The following ZNF583 variants were observed in gnomAD, a reference collection of about 807,000 sequenced individuals.
The protein encoded by ZNF583 is zinc finger protein 583, also known as zinc finger protein L3-5.
A neutral mutation model predicts 55.3 loss-of-function variants in ZNF583; 30 were observed. That is an observed-to-expected ratio of 0.54 (90% CI 0.41 to 0.74). The LOEUF is 0.74. Ranked by LOEUF, ZNF583 falls within the 30% of genes least tolerant of loss-of-function variation. The pLI is 0.00. For synonymous variants in ZNF583, 208 were observed against 220.0 expected, an observed-to-expected ratio of 0.95 and a Z score of 0.48; for missense variants, 504 against 664.7, an observed-to-expected ratio of 0.76 and a Z score of 2.66.
At chr19:56,415,913 C>T (rs1314451576) in intron 4 of ZNF583, among the ~76,000 whole-genome samples, 1 of 152,098 alleles carries the variant, frequency 6.6e-6, no homozygotes, top group Non-Finnish European at 1.5e-5. Context: ...GATAATTGTC[C>T]TTTTCATTTA....
At chr19:56,416,985 T>C (rs2042336273) in intron 4 of ZNF583, among the ~76,000 whole-genome samples, 1 of 152,192 alleles carries the variant, frequency 6.6e-6, no homozygotes, top group Non-Finnish European at 1.5e-5. Flanking sequence ...AATGGAATCA[T>C]TCAGTATGTA....
rs2042489636 is a variant in ZNF583 at position 56,425,953 on chromosome 19, A to C, written c.*1585A>C. On this transcript the variant is annotated 3_prime_UTR_variant, in exon 5 of 5. Coordinates refer to ENST00000333201, the MANE Select transcript of ZNF583 (RefSeq NM_152478.3). ...CCCAGAATTCTTTTGGCATATAATC[A>C]ATGCAGTGATCAATTCACATGTGAC... The C allele has an allele frequency of 6.6e-6, 1 of 152,190 alleles. No homozygotes were observed. Among genetic ancestry groups the C allele is most frequent in the Non-Finnish European group, 1.5e-5 (1 of 68,020 alleles). The allele number at this position is 152,190 out of a possible 1,614,324, so 9.4% of individuals were successfully genotyped here. A position where few individuals can be genotyped will look rare whatever the true frequency, so the allele number is the denominator to read the frequency against.
chr19:56,426,908 T>A lies in ZNF583; in HGVS notation c.*2540T>A, dbSNP rs560918685. The stretch of plus-strand genomic sequence containing the variant: ...ACAATGTCTTTCCCTCCAGATTCTA[T>A]TATACACATAGAACAATGTAAATGA... On this transcript the variant is annotated 3_prime_UTR_variant, in exon 5 of 5. Coordinates refer to ENST00000333201, the MANE Select transcript of ZNF583 (RefSeq NM_152478.3). 4.7e-5 allele frequency: 7 copies of A among 149,140 alleles called. No individual in the cohort carries two copies. The highest frequency in any genetic ancestry group is 7.4e-5 in the Non-Finnish European group (5 of 67,642). 9.2% of individuals were successfully genotyped at this position (149,140 alleles called of 1,614,324 possible).
At chr19:56,405,731 T>G (rs2042136926) in intron 1 of ZNF583, among the ~76,000 whole-genome samples, 1 of 152,158 alleles carries the variant, frequency 6.6e-6, no homozygotes, top group Admixed American at 6.5e-5. Context: ...ATGTGCTGGT[T>G]ATGAAAATAA....
rs149718971 is a variant in ZNF583, at chr19:56,406,824, G to A, written c.-89-202G>A. On this transcript the variant is annotated intron_variant, in intron 1 of 4. Transcript: ENST00000333201. ...TTACAGGCGTGAGCCACCGCGCCTG[G>A]CCCGTATGTTGTATTCTTAAGATCC... 2.0e-3 allele frequency among the ~76,000 whole-genome samples: 301 copies of A among 152,300 alleles called. 1 individual carries two copies. Among genetic ancestry groups the A allele is most frequent in the Middle Eastern group, 0.014 (4 of 294 alleles).
At position 56,423,464 on chromosome 19, in the gene ZNF583, A is replaced by C; in HGVS notation, c.806A>C (p.Glu269Ala). Residue 269 changes from glutamate to alanine, a missense_variant, in exon 5 of 5, where the codon GAA becomes GCA. This residue lies in a region of ZNF583 where 237 missense variants were observed against 373.0 expected (regional missense o/e 0.64). Coordinates refer to ENST00000333201, the MANE Select transcript of ZNF583 (RefSeq NM_152478.3). ...KRIHTGEKPY[E>A]CKECRKAFSQ... The stretch of plus-strand genomic sequence containing the variant: ...ATACATACTGGAGAGAAACCCTATG[A>C]ATGTAAAGAATGTAGGAAAGCCTTC... 1 of 1,613,994 alleles carries C rather than the reference A, an allele frequency of 6.2e-7. No homozygotes were observed. Among genetic ancestry groups the C allele is most frequent in the Non-Finnish European group, 8.5e-7 (1 of 1,179,944 alleles).
At chr19:56,411,531 AAAGCTGCTTCGCT>A (rs2042239192) in intron 2 of ZNF583, among the ~76,000 whole-genome samples, 1 of 152,234 alleles carries the variant, frequency 6.6e-6, no homozygotes, top group East Asian at 1.9e-4. Context: ...TCATGTAGCA[AAAGCTGCTTCGCT>A]AATGTCTACA....
At chr19:56,420,390 A>G (rs191176369) in intron 4 of ZNF583, among the ~76,000 whole-genome samples, 2 of 152,290 alleles carry the variant, frequency 1.3e-5, no homozygotes, top group Non-Finnish European at 2.9e-5. Context: ...ACTCGAATAC[A>G]TGTTGTACAA....
intron 2 of ZNF583, among the ~76,000 whole-genome samples, chr19:56,407,416 T>C (rs191988329): frequency 2.7e-4 from 41 of 152,326 alleles, no homozygotes; most frequent in African/African-American, 7.0e-4. Context: ...TAAACCTTCA[T>C]TGTAGTAAGT....
Position 56,423,170 on chromosome 19 carries a change from T to C in ZNF583, c.512T>C (p.Phe171Ser). The stretch of plus-strand genomic sequence containing the variant: ...CAAACATTCCACCAGGATACAATCT[T>C]TGATATACAACAGAGTTTTCCCACC... The part of the protein sequence containing the change: ...SWQTFHQDTI[F>S]DIQQSFPTKE... Residue 171 changes from phenylalanine (F) to serine (S), a missense_variant, in exon 5 of 5, where the codon TTT (phenylalanine) becomes TCT (serine). Coordinates refer to ENST00000333201, the MANE Select transcript of ZNF583 (RefSeq NM_152478.3). 3 of 1,613,102 alleles carry C rather than the reference T, an allele frequency of 1.9e-6. No homozygotes were observed. The highest frequency in any genetic ancestry group is 2.5e-6 in the Non-Finnish European group (3 of 1,179,902).
intron 1 of ZNF583, among the ~76,000 whole-genome samples, chr19:56,405,858 C>T (rs1279727626): frequency 1.3e-5 from 2 of 152,208 alleles, no homozygotes; most frequent in African/African-American, 4.8e-5. Context: ...AACAGGTTTG[C>T]AGTGGTTACC....
chr19:56,406,814 A>T (rs927482063), intron 1 of ZNF583, among the ~76,000 whole-genome samples: 10 of 152,162 alleles, frequency 6.6e-5, no homozygotes, highest in African/African-American at 2.4e-4. Flanking sequence ...GGCGTGAGCC[A>T]CCGCGCCTGG....
chr19:56,414,746 A>G, intron 4 of ZNF583: 1 of 203,106 alleles, frequency 4.9e-6, no homozygotes, highest in Non-Finnish European at 9.9e-6. Context: ...GCTTGGTTTC[A>G]TTTTTTAAAA....
intron 4 of ZNF583, among the ~76,000 whole-genome samples, chr19:56,415,629 CAGTGGTGCA>C (rs1279751703): frequency 6.6e-6 from 1 of 152,130 alleles, no homozygotes; most frequent in Non-Finnish European, 1.5e-5. Flanking sequence ...GGCTGGAGTG[CAGTGGTGCA>C]CTGCAACCTC....
chr19:56,414,648 G>C, intron 4 of ZNF583: 1 of 509,182 alleles, frequency 2.0e-6, no homozygotes, highest in South Asian at 2.5e-5. Context: ...TTCTCTGACA[G>C]TAATCTTCTC....
rs2042494018 is a variant in ZNF583 at position 56,426,670 on chromosome 19, C to T, written c.*2302C>T. On this transcript the variant is annotated 3_prime_UTR_variant, in exon 5 of 5. Coordinates refer to ENST00000333201, the MANE Select transcript of ZNF583 (RefSeq NM_152478.3). ...TAAATATGTGGTAAGTACTAAATCT[C>T]CCTAGGATCAGAAGAAATACAGTTT... 6.6e-6 allele frequency: 1 copy of T among 152,012 alleles called. No homozygotes were observed. The highest frequency in any genetic ancestry group is 2.1e-4 in the South Asian group (1 of 4,818). The allele number at this position is 152,012 out of a possible 1,614,324, so 9.4% of individuals were successfully genotyped here.
intron 4 of ZNF583, among the ~76,000 whole-genome samples, chr19:56,418,290 T>G (rs2042359253): frequency 6.6e-6 from 1 of 152,144 alleles, no homozygotes; most frequent in Non-Finnish European, 1.5e-5. Context: ...AAAAATGTCT[T>G]GAAGTTGGGT....
At chr19:56,414,496 T>C in intron 4 of ZNF583, 56 bp downstream of exon 4, 1 of 1,510,178 alleles carries the variant, frequency 6.6e-7, no homozygotes. Flanking sequence ...GCTCAGCAAT[T>C]CTGAAAGATT....
intron 2 of ZNF583, among the ~76,000 whole-genome samples, chr19:56,407,512 A>T (rs2042173688): frequency 6.6e-6 from 1 of 152,238 alleles, no homozygotes; most frequent in Non-Finnish European, 1.5e-5. Context: ...AGAAGGCAAG[A>T]CAGGAGGGTT....
Sources: gnomAD v4.1 joint callset for allele counts (sites outside exome capture counted in the v4.1 genomes callset) on GRCh38, gnomAD v4.1.1 for gene constraint, gnomAD v4.1.1 regional missense constraint, MANE v1.5 for transcripts, NCBI Gene and HGNC (gene_info 2026-07-23, HGNC 2026-07-21) for gene names.